SND1: variants seen among roughly 807,000 people sequenced by gnomAD.
SND1 encodes staphylococcal nuclease and tudor domain containing 1, also known as staphylococcal nuclease domain-containing protein 1.
Under a neutral mutation model 121.7 loss-of-function variants are expected in SND1, and 38 were observed. The ratio of observed to expected loss-of-function variants is 0.31; its 90% CI spans 0.24 to 0.41. The LOEUF (loss-of-function observed/expected upper bound fraction) is 0.41. Ranked by LOEUF, SND1 falls within the 10% of genes least tolerant of loss-of-function variation. SND1 has a pLI of 1.00. For synonymous variants in SND1, 401 were observed against 447.4 expected, an observed-to-expected ratio of 0.90 and a Z score of 1.31; for missense variants, 868 against 1,184.6, an observed-to-expected ratio of 0.73 and a Z score of 3.92.
At chr7:127,900,945 G>A (rs545589223) in intron 13 of SND1, among the ~76,000 whole-genome samples, 11 of 152,288 alleles carry the variant, frequency 7.2e-5, no homozygotes, top group African/African-American at 2.2e-4. Flanking sequence ...GTGAGGAAGC[G>A]GCTGTTAAGC....
At chr7:128,026,028 A>G (rs904917414) in intron 16 of SND1, among the ~76,000 whole-genome samples, 7 of 152,124 alleles carry the variant, frequency 4.6e-5, no homozygotes, top group Non-Finnish European at 1.0e-4. Context: ...AAAAAAAAAA[A>G]AGAAGGGTGT....
chr7:127,795,746 T>A (rs764532665), intron 10 of SND1, among the ~76,000 whole-genome samples: 12 of 152,220 alleles, frequency 7.9e-5, no homozygotes, highest in Non-Finnish European at 1.8e-4. Context: ...AGACGCAGGC[T>A]GCCAAGAGTA....
intron 3 of SND1, among the ~76,000 whole-genome samples, chr7:127,695,917 T>G (rs1006402501): frequency 6.6e-6 from 1 of 152,134 alleles, no homozygotes; most frequent in Non-Finnish European, 1.5e-5. Context: ...TCATGGGATA[T>G]TAGATGTTCT....
At position 128,081,420 on chromosome 7, in the gene SND1, G is replaced by A. The variant is rs1793600260; in HGVS notation, c.2029G>A (p.Glu677Lys). 1 of 1,614,204 alleles carries A rather than the reference G, an allele frequency of 6.2e-7. No individual in the cohort carries two copies. Among genetic ancestry groups the A allele is most frequent in the East Asian group, 2.2e-5 (1 of 44,880 alleles). ...GGTGATGCCAGTGCTGGAGGAGAAGGAGCGATCTGCTAGCTACAAGCCCGT... is the reference window on the plus strand; with the variant it reads ...GGTGATGCCAGTGCTGGAGGAGAAGAAGCGATCTGCTAGCTACAAGCCCGT... ...EEVMPVLEEK[E>K]RSASYKPVFV... is the part of the protein sequence containing the mutation. Residue 677 changes from glutamate to lysine, a missense_variant, in exon 18 of 24, where the codon GAG (glutamate) becomes AAG (lysine). Glu to Lys is a moderately conservative substitution (Grantham distance 56, BLOSUM62 1). This residue lies in a region of SND1 where 743 missense variants were observed against 1,071.3 expected (regional missense o/e 0.69). Coordinates refer to ENST00000354725, the MANE Select transcript of SND1 (RefSeq NM_014390.4).
chr7:127,896,210 T>C (rs1800116544), intron 13 of SND1, among the ~76,000 whole-genome samples: 2 of 152,050 alleles, frequency 1.3e-5, no homozygotes. Context: ...TGACCACTTA[T>C]CTGTCCAGAG....
At chr7:127,939,271 G>A (rs1801131263) in intron 15 of SND1, among the ~76,000 whole-genome samples, 1 of 152,168 alleles carries the variant, frequency 6.6e-6, no homozygotes, top group African/African-American at 2.4e-5. Flanking sequence ...GGTCAGATCA[G>A]AGGAGGATGA....
intron 13 of SND1, among the ~76,000 whole-genome samples, chr7:127,901,711 C>T (rs35370377): frequency 1.1e-4 from 17 of 152,284 alleles, no homozygotes; most frequent in Admixed American, 4.6e-4. Flanking sequence ...AAAATAAGGG[C>T]TACTTCTCAG....
intron 10 of SND1, among the ~76,000 whole-genome samples, chr7:127,735,250 A>T (rs1204620746): frequency 6.6e-6 from 1 of 151,864 alleles, no homozygotes; most frequent in Admixed American, 6.6e-5. Context: ...TCTCCTTAGT[A>T]TTGAGTGGAC....
chr7:127,706,553 T>C (rs1796205259), intron 8 of SND1, among the ~76,000 whole-genome samples: 1 of 152,092 alleles, frequency 6.6e-6, no homozygotes, highest in Non-Finnish European at 1.5e-5. Flanking sequence ...CCACTGTGCC[T>C]GGCCCAGTAT....
At chr7:127,868,907 A>G (rs1018942676) in intron 12 of SND1, among the ~76,000 whole-genome samples, 14 of 152,160 alleles carry the variant, frequency 9.2e-5, no homozygotes, top group Admixed American at 3.9e-4. Flanking sequence ...AGTTGAGTAC[A>G]TGACGTTGCC....
chr7:127,656,383 C>T (rs1252106584), intron 1 of SND1, among the ~76,000 whole-genome samples: 2 of 147,986 alleles, frequency 1.4e-5, no homozygotes, highest in South Asian at 2.1e-4. Context: ...AGTGCAGTGG[C>T]GCTATCTTGG....
At chr7:127,889,189 G>T (rs530405944) in intron 13 of SND1, among the ~76,000 whole-genome samples, 194 of 152,056 alleles carry the variant, frequency 1.3e-3, no homozygotes, top group African/African-American at 4.4e-3. Flanking sequence ...GTTTTTTAAA[G>T]CTCATTAATG....
intron 11 of SND1, among the ~76,000 whole-genome samples, chr7:127,830,024 G>A (rs1798710442): frequency 6.6e-6 from 1 of 152,190 alleles, no homozygotes; most frequent in African/African-American, 2.4e-5. Context: ...TGGATTTCAT[G>A]TTACATAAAT....
At chr7:127,955,250 C>T (rs1257737095) in intron 15 of SND1, among the ~76,000 whole-genome samples, 4 of 152,140 alleles carry the variant, frequency 2.6e-5, no homozygotes, top group African/African-American at 7.2e-5. Flanking sequence ...GTAACGAAGC[C>T]CACTAAATCC....
intron 10 of SND1, among the ~76,000 whole-genome samples, chr7:127,755,999 AAAG>A (rs1229850231): frequency 1.3e-5 from 2 of 152,270 alleles, no homozygotes. Context: ...TGTTTTCAAA[AAAG>A]AAAATTCATT....
At chr7:127,980,685 C>T (rs1802238644) in intron 15 of SND1, among the ~76,000 whole-genome samples, 1 of 152,180 alleles carries the variant, frequency 6.6e-6, no homozygotes, top group Non-Finnish European at 1.5e-5. Context: ...CTCCACACAT[C>T]TCAGAACCAT....
intron 14 of SND1, among the ~76,000 whole-genome samples, chr7:127,926,099 T>C (rs958167000): frequency 6.6e-5 from 10 of 152,132 alleles, no homozygotes; most frequent in African/African-American, 1.9e-4. Flanking sequence ...CATAACTAAA[T>C]TACCAGGGAG....
At chr7:128,016,440 G>A (rs2116956360) in intron 16 of SND1, among the ~76,000 whole-genome samples, 1 of 152,184 alleles carries the variant, frequency 6.6e-6, no homozygotes, top group South Asian at 2.1e-4. Flanking sequence ...TGACTAAGAG[G>A]CCTGAAGAGG....
chr7:127,869,118 T>C lies in SND1; in HGVS notation c.1344-18784T>C, dbSNP rs990618022. ...GGGTTACGAGGGGGAAATTTTTTAG[T>C]AGGGAAGCCAGGGAAGAGTCAGGGA... On this transcript the variant is annotated intron_variant, in intron 12 of 23. Transcript: ENST00000354725. 2.0e-5 allele frequency among the ~76,000 whole-genome samples: 3 copies of C among 151,988 alleles called. 1 individual carries two copies. The highest frequency in any genetic ancestry group is 1.3e-4 in the Admixed American group (2 of 15,248).
Sources: gnomAD v4.1 joint callset for allele counts (sites outside exome capture counted in the v4.1 genomes callset) on GRCh38, gnomAD v4.1.1 for gene constraint, gnomAD v4.1.1 regional missense constraint, MANE v1.5 for transcripts, NCBI Gene and HGNC (gene_info 2026-07-23, HGNC 2026-07-21) for gene names.